The following ELMO1 variants were observed in gnomAD, a reference collection of about 807,000 sequenced individuals.
ELMO1 encodes engulfment and cell motility 1.
Under a neutral mutation model 98.9 loss-of-function variants are expected in ELMO1, and 26 were observed. That is an observed-to-expected ratio of 0.26 (90% CI 0.19 to 0.36). The LOEUF (loss-of-function observed/expected upper bound fraction) is 0.36, where lower values mean the gene tolerates loss of function less well. Among genes scored for constraint, ELMO1 ranks in the 10% least tolerant of loss-of-function variants. The pLI is 1.00. For synonymous variants in ELMO1, 346 were observed against 346.0 expected (o/e 1.00, Z 0.00); for missense variants, 627 against 935.2 (o/e 0.67, Z 4.30).
chr7:37,190,115 G>T (rs564047696), intron 13 of ELMO1, among the ~76,000 whole-genome samples: 2 of 150,922 alleles, frequency 1.3e-5, no homozygotes, highest in Non-Finnish European at 2.9e-5. Context: ...AGCAGCAAAG[G>T]CTCTTTATCA....
At chr7:36,962,252 G>A (rs973120036) in intron 16 of ELMO1, among the ~76,000 whole-genome samples, 2 of 152,178 alleles carry the variant, frequency 1.3e-5, no homozygotes, top group Non-Finnish European at 2.9e-5. Context: ...AAAGAATACT[G>A]ATTCTCAGGC....
chr7:37,079,795 C>T (rs1797768493), intron 15 of ELMO1, among the ~76,000 whole-genome samples: 1 of 152,196 alleles, frequency 6.6e-6, no homozygotes, highest in African/African-American at 2.4e-5. Context: ...GCCTCCTCTT[C>T]TCCCCAGCCT....
chr7:37,406,920 T>A (rs1317615414), intron 1 of ELMO1, among the ~76,000 whole-genome samples: 1 of 152,224 alleles, frequency 6.6e-6, no homozygotes, highest in East Asian at 1.9e-4. Context: ...ATGAAAGAAT[T>A]CATCAGTATT....
At chr7:37,156,069 T>G (rs1483917272) in intron 13 of ELMO1, among the ~76,000 whole-genome samples, 1 of 152,198 alleles carries the variant, frequency 6.6e-6, no homozygotes, top group Admixed American at 6.5e-5. Context: ...TGCTCCTGAA[T>G]GACTACTAGG....
At chr7:37,141,168 T>A (rs1367021215) in intron 13 of ELMO1, among the ~76,000 whole-genome samples, 1 of 152,164 alleles carries the variant, frequency 6.6e-6, no homozygotes, top group Non-Finnish European at 1.5e-5. Context: ...AAAGAAAACG[T>A]GGCATATTTA....
intron 2 of ELMO1, among the ~76,000 whole-genome samples, chr7:37,341,567 T>G (rs1800723786): frequency 6.6e-6 from 1 of 152,180 alleles, no homozygotes; most frequent in Non-Finnish European, 1.5e-5. Flanking sequence ...TCCCAAAAAT[T>G]TACCCTTTCT....
intron 5 of ELMO1, among the ~76,000 whole-genome samples, chr7:37,264,165 G>T (rs528115221): frequency 6.6e-6 from 1 of 152,144 alleles, no homozygotes; most frequent in Non-Finnish European, 1.5e-5. Context: ...GGGAATATGC[G>T]CAGTGGAGTG....
intron 16 of ELMO1, among the ~76,000 whole-genome samples, chr7:36,910,686 G>A (rs1319426754): frequency 2.0e-5 from 3 of 152,186 alleles, no homozygotes. Context: ...TGCAGACCTT[G>A]CACTGTAGGG....
At chr7:37,260,467 C>T (rs997601437) in intron 5 of ELMO1, among the ~76,000 whole-genome samples, 9 of 152,112 alleles carry the variant, frequency 5.9e-5, no homozygotes, top group African/African-American at 2.2e-4. Context: ...CCAGTGCTGG[C>T]CACAGACTCT....
Position 37,063,022 on chromosome 7 carries a change from C to T in ELMO1, c.1300+33597G>A, listed in dbSNP as rs1796750206. Among the ~76,000 whole-genome samples the T allele has an allele frequency of 2.0e-5, 3 of 152,142 alleles. No homozygotes were observed. The South Asian group carries it at 6.2e-4, about 32-fold the overall frequency. ...GACACAGCTCCCCTACACATGCAGGCCCAGGATGAGAATTTATTTAATCCT... is the reference window on the plus strand; with the variant it reads ...GACACAGCTCCCCTACACATGCAGGTCCAGGATGAGAATTTATTTAATCCT... On this transcript the variant is annotated intron_variant, in intron 15 of 21. Coordinates refer to ENST00000310758, the MANE Select transcript of ELMO1 (RefSeq NM_014800.11).
chr7:36,987,550 C>T (rs575929471), intron 16 of ELMO1, among the ~76,000 whole-genome samples: 27 of 152,292 alleles, frequency 1.8e-4, no homozygotes, highest in Non-Finnish European at 2.5e-4. Flanking sequence ...TTAAAGGTCT[C>T]TGCAAGCCTG....
chr7:37,152,180 A>C (rs1788410648), intron 13 of ELMO1, among the ~76,000 whole-genome samples: 1 of 152,230 alleles, frequency 6.6e-6, no homozygotes, highest in Non-Finnish European at 1.5e-5. Context: ...TCATGCAGTC[A>C]TGGTTCCAGG....
At chr7:37,272,227 T>C (rs774358423) in intron 4 of ELMO1, among the ~76,000 whole-genome samples, 2 of 152,238 alleles carry the variant, frequency 1.3e-5, no homozygotes, top group Non-Finnish European at 2.9e-5. Flanking sequence ...TGAAAGCATA[T>C]GTCCACACAA....
At chr7:37,414,256 G>A (rs1804117637) in intron 1 of ELMO1, among the ~76,000 whole-genome samples, 1 of 149,508 alleles carries the variant, frequency 6.7e-6, no homozygotes, top group Admixed American at 6.7e-5. Context: ...TTGGTAATGG[G>A]AAATTGAAAT....
At chr7:37,028,574 A>C (rs1794708751) in intron 15 of ELMO1, among the ~76,000 whole-genome samples, 1 of 152,106 alleles carries the variant, frequency 6.6e-6, no homozygotes, top group Non-Finnish European at 1.5e-5. Context: ...TGGTTTTATA[A>C]ATCCTGCTCT....
intron 1 of ELMO1, among the ~76,000 whole-genome samples, chr7:37,381,863 G>T (rs551712065): frequency 1.3e-5 from 2 of 151,988 alleles, no homozygotes; most frequent in South Asian, 4.2e-4. Context: ...CAATAACAAA[G>T]GTTAGGATCC....
rs375852078 is a variant in ELMO1 at position 36,945,477 on chromosome 7, C to T, written c.1438-50460G>A. Among the ~76,000 whole-genome samples the T allele has an allele frequency of 2.6e-5, 4 of 152,242 alleles. No homozygotes were observed. The East Asian group carries it at 5.8e-4, about 22-fold the overall frequency. On this transcript the variant is annotated intron_variant, in intron 16 of 21. Coordinates refer to ENST00000310758, the MANE Select transcript of ELMO1 (RefSeq NM_014800.11). ...TCAGTGACGGGCATTTAACTTAGCA[C>T]GAAGCTTTCCGGGAATCCCTAGAAC...
At chr7:37,282,310 T>C (rs1046376830) in intron 4 of ELMO1, among the ~76,000 whole-genome samples, 1 of 152,226 alleles carries the variant, frequency 6.6e-6, no homozygotes, top group Non-Finnish European at 1.5e-5. Context: ...TCCATCCTTG[T>C]CTGTGTCTGT....
rs368116215 is a variant in ELMO1 at position 37,099,247 on chromosome 7, C to T, written c.1192-2520G>A. Among the ~76,000 whole-genome samples the T allele has an allele frequency of 2.6e-5, 4 of 152,310 alleles. No homozygotes were observed. In the South Asian group the frequency reaches 8.3e-4, roughly 32 times the overall value. ...TCAAGGCAGACACAAATATTTAAAG[C>T]TACTTGTGTAACTTTTAAGATCAAC... On this transcript the variant is annotated intron_variant, in intron 14 of 21. Transcript: ENST00000310758.
Sources: gnomAD v4.1 joint callset for allele counts (sites outside exome capture counted in the v4.1 genomes callset) on GRCh38, gnomAD v4.1.1 for gene constraint, MANE v1.5 for transcripts, NCBI Gene and HGNC (gene_info 2026-07-23, HGNC 2026-07-21) for gene names.